DSTYK: variants seen among roughly 807,000 people sequenced by gnomAD.
The protein encoded by DSTYK is RIP-homologous kinase.
A neutral mutation model predicts 98.7 loss-of-function variants in DSTYK; 34 were observed. That is an observed-to-expected ratio of 0.34 (90% CI 0.26 to 0.46). The LOEUF is 0.46. Among genes scored for constraint, DSTYK ranks in the 20% least tolerant of loss-of-function variants. The pLI is 1.00. For missense variants in DSTYK, 962 were observed against 1,181.7 expected (o/e 0.81, Z 2.73); for synonymous variants, 462 against 457.3 (o/e 1.01, Z -0.13).
At chr1:205,197,145 A>C (rs1198532680) in intron 1 of DSTYK, among the ~76,000 whole-genome samples, 1 of 152,088 alleles carries the variant, frequency 6.6e-6, no homozygotes, top group East Asian at 1.9e-4. Context: ...AAGGAAAAAA[A>C]AAAAAAGGAG....
At chr1:205,188,734 T>C (rs1658627942) in intron 1 of DSTYK, among the ~76,000 whole-genome samples, 1 of 152,226 alleles carries the variant, frequency 6.6e-6, no homozygotes, top group African/African-American at 2.4e-5. Flanking sequence ...TTATTCAAGT[T>C]TGCATAAGCT....
chr1:205,168,062 C>T (rs1411575156), intron 3 of DSTYK, among the ~76,000 whole-genome samples: 3 of 152,140 alleles, frequency 2.0e-5, no homozygotes, highest in Admixed American at 6.5e-5. Context: ...GTCAAGATCA[C>T]GCCACTGCAC....
chr1:205,183,209 G>GCA (rs1658470149), intron 2 of DSTYK, among the ~76,000 whole-genome samples: 1 of 152,132 alleles, frequency 6.6e-6, no homozygotes, highest in Non-Finnish European at 1.5e-5. Context: ...TGAAGGAAAG[G>GCA]CAGGAGGGTG....
chr1:205,166,402 A>G (rs1203054036), intron 3 of DSTYK, among the ~76,000 whole-genome samples: 2 of 151,800 alleles, frequency 1.3e-5, no homozygotes, highest in Non-Finnish European at 2.9e-5. Flanking sequence ...CTGTAATCCT[A>G]GCACTTTGTG....
At chr1:205,192,739 G>A (rs1259392668) in intron 1 of DSTYK, among the ~76,000 whole-genome samples, 3 of 152,136 alleles carry the variant, frequency 2.0e-5, no homozygotes, top group African/African-American at 4.8e-5. Flanking sequence ...GCCGACGCCT[G>A]TAATCCCAGC....
At chr1:205,202,032 C>G (rs1659054540) in intron 1 of DSTYK, among the ~76,000 whole-genome samples, 1 of 149,870 alleles carries the variant, frequency 6.7e-6, no homozygotes, top group South Asian at 2.1e-4. Context: ...TGCACTCCAG[C>G]CTGGGCATCA....
chr1:205,168,494 C>G (rs1299622313), intron 3 of DSTYK, among the ~76,000 whole-genome samples: 1 of 152,150 alleles, frequency 6.6e-6, no homozygotes, highest in Non-Finnish European at 1.5e-5. Context: ...TGTGTATTTT[C>G]AGAAAGCCTC....
intron 9 of DSTYK, 105 bp from the exon 10 acceptor site, chr1:205,157,491 A>C (rs1273347526): frequency 1.1e-6 from 1 of 904,466 alleles, no homozygotes. Flanking sequence ...AAAAAGGGGA[A>C]GAGCCGGGCA....
At chr1:205,203,953 A>G (rs539116602) in intron 1 of DSTYK, among the ~76,000 whole-genome samples, 2 of 152,232 alleles carry the variant, frequency 1.3e-5, no homozygotes, top group Admixed American at 6.5e-5. Context: ...GACCTGTACC[A>G]TGGGAAACAG....
At chr1:205,187,383 T>G in intron 2 of DSTYK, 35 bp downstream of exon 2, 1 of 1,559,882 alleles carries the variant, frequency 6.4e-7, no homozygotes, top group Non-Finnish European at 8.7e-7. Context: ...CTGGTATATA[T>G]GTATACAATT....
At chr1:205,175,635 G>A (rs904437267) in intron 2 of DSTYK, among the ~76,000 whole-genome samples, 1 of 152,080 alleles carries the variant, frequency 6.6e-6, no homozygotes, top group South Asian at 2.1e-4. Flanking sequence ...CATGCTTGAC[G>A]GTTATAAACA....
At chr1:205,163,575 G>T in intron 4 of DSTYK, 148 bp downstream of exon 4, 1 of 705,978 alleles carries the variant, frequency 1.4e-6, no homozygotes. Context: ...CACAGGCAGT[G>T]GTCATGTGAC....
At chr1:205,187,045 A>G (rs374292706) in intron 2 of DSTYK, among the ~76,000 whole-genome samples, 3 of 152,220 alleles carry the variant, frequency 2.0e-5, no homozygotes, top group East Asian at 3.8e-4. Context: ...AGAAAGAGGT[A>G]ACTAGAGACA....
chr1:205,151,309 T>A (rs1657395149), intron 10 of DSTYK, among the ~76,000 whole-genome samples: 1 of 152,146 alleles, frequency 6.6e-6, no homozygotes, highest in African/African-American at 2.4e-5. Context: ...TACACTAAAT[T>A]TATTTTTAAA....
intron 2 of DSTYK, among the ~76,000 whole-genome samples, chr1:205,181,208 C>T (rs1304624444): frequency 6.6e-6 from 1 of 152,186 alleles, no homozygotes; most frequent in Admixed American, 6.5e-5. Context: ...ATTCCATAGA[C>T]TCCTTCCTCC....
chr1:205,163,804 GAC>G lies in DSTYK; in HGVS notation c.1474_1475del (p.Val492ArgfsTer23). On this transcript the variant is annotated frameshift_variant, in exon 4 of 13. Coordinates refer to ENST00000367162, the MANE Select transcript of DSTYK (RefSeq NM_015375.3). LOFTEE classifies it high-confidence loss of function. ...SSVDYLRESF[V>X]GTLERCLQSL... is the part of the protein sequence containing the mutation. ...TCTGCAGACATCGTTCCAGGGTTCC[GAC>G]GAAGCTTTCCCTCAGGTAATCCACT... 1 of 1,614,114 alleles carries G rather than the reference GAC, an allele frequency of 6.2e-7. No individual in the cohort carries two copies. The highest frequency in any genetic ancestry group is 8.5e-7 in the Non-Finnish European group (1 of 1,180,030).
At chr1:205,165,072 A>G (rs1012072652) in intron 3 of DSTYK, among the ~76,000 whole-genome samples, 2 of 152,152 alleles carry the variant, frequency 1.3e-5, no homozygotes, top group African/African-American at 4.8e-5. Context: ...CCCAAGAGTC[A>G]GGAATTGTAT....
At chr1:205,202,135 G>GAAGGT in intron 1 of DSTYK, 1 of 511,978 alleles carries the variant, frequency 2.0e-6, no homozygotes. Context: ...GAAGGGAAGG[G>GAAGGT]GAAGGGGAAG....
intron 1 of DSTYK, among the ~76,000 whole-genome samples, chr1:205,204,699 C>T (rs1333609429): frequency 1.3e-5 from 2 of 152,154 alleles, no homozygotes; most frequent in Non-Finnish European, 2.9e-5. Context: ...CCAGAGCACT[C>T]TCATCTCCTC....
Sources: gnomAD v4.1 joint callset for allele counts (sites outside exome capture counted in the v4.1 genomes callset) on GRCh38, gnomAD v4.1.1 for gene constraint, MANE v1.5 for transcripts, NCBI Gene and HGNC (gene_info 2026-07-23, HGNC 2026-07-21) for gene names.